The following STS variants were observed in gnomAD, a reference collection of about 807,000 sequenced individuals.
The protein encoded by STS is steryl-sulfatase.
A neutral mutation model predicts 26.8 loss-of-function variants in STS; 7 were observed. The observed-to-expected ratio is 0.26, with a 90% confidence interval of 0.15 to 0.49. STS has a LOEUF of 0.49. STS is among the 20% of genes least tolerant of loss of function. The pLI is 0.98. For synonymous variants in STS, 199 were observed against 189.4 expected (o/e 1.05, Z -0.42); for missense variants, 434 against 465.6 (o/e 0.93, Z 0.63).
At chrX:7,189,075 T>C (rs1388954501) in intron 1 of STS, among the ~76,000 whole-genome samples, 3 of 111,952 alleles carry the variant, frequency 2.7e-5, no homozygotes, top group Non-Finnish European at 5.6e-5. Flanking sequence ...GCTAGAAGCC[T>C]AACTTTAATA....
At chrX:7,321,667 C>T (rs1487298183) in intron 8 of STS, among the ~76,000 whole-genome samples, 1 of 112,264 alleles carries the variant, frequency 8.9e-6, no homozygotes. Flanking sequence ...ACATGATATT[C>T]CTGCAAGGAA....
intron 7 of STS, among the ~76,000 whole-genome samples, chrX:7,298,925 C>G (rs1191677307): frequency 6.8e-5 from 7 of 102,316 alleles, no homozygotes; most frequent in African/African-American, 2.5e-4. Flanking sequence ...GGATATCTAC[C>G]TATCTATCTA....
chrX:7,301,954 A>G (rs1188566848), intron 7 of STS, among the ~76,000 whole-genome samples: 1 of 112,124 alleles, frequency 8.9e-6, no homozygotes, highest in Non-Finnish European at 1.9e-5. Flanking sequence ...TTATCCATTC[A>G]ACTGCTGAAG....
chrX:7,300,247 T>C (rs187636271), intron 7 of STS, among the ~76,000 whole-genome samples: 23 of 112,253 alleles, frequency 2.0e-4, no homozygotes, highest in South Asian at 1.5e-3. Context: ...TATATTTGTT[T>C]CCTTCAGAAA....
chrX:7,331,283 T>C (rs1251934843), intron 9 of STS, among the ~76,000 whole-genome samples: 1 of 111,357 alleles, frequency 9.0e-6, no homozygotes, highest in East Asian at 2.8e-4. Context: ...TAACTTGACC[T>C]GAAATTTTGA....
chrX:7,258,299 G>GATT (rs1923548465), intron 5 of STS, among the ~76,000 whole-genome samples: 2 of 95,223 alleles, frequency 2.1e-5, no homozygotes, highest in Non-Finnish European at 4.4e-5. Flanking sequence ...ATAGATAGAT[G>GATT]TTATATATAA....
At chrX:7,248,485 T>C (rs749448721) in intron 2 of STS, among the ~76,000 whole-genome samples, 8 of 112,007 alleles carry the variant, frequency 7.1e-5, no homozygotes, top group Non-Finnish European at 1.9e-5. Context: ...TAGCATCCCA[T>C]TGGCTAAGAC....
intron 3 of STS, among the ~76,000 whole-genome samples, chrX:7,254,577 C>CTTTTTTTTTTTTTTT (rs34965003): frequency 1.9e-4 from 14 of 73,069 alleles, no homozygotes; most frequent in East Asian, 4.0e-4. Flanking sequence ...TTTTCTTCTT[C>CTTTTTTTTTTTTTTT]TTTTTTTTTT....
chrX:7,190,238 C>A (rs1204652017), intron 1 of STS, among the ~76,000 whole-genome samples: 1 of 109,806 alleles, frequency 9.1e-6, no homozygotes, highest in Non-Finnish European at 1.9e-5. Context: ...AGTGACAGAT[C>A]ATCAGGCATT....
chrX:7,276,062 T>C lies in STS; in HGVS notation c.918T>C (p.Ala306=), dbSNP rs1375808256. 2.5e-6 allele frequency: 3 copies of C among 1,208,751 alleles called. No homozygotes were observed. Among genetic ancestry groups the C allele is most frequent in the South Asian group, 3.5e-5 (2 of 56,805 alleles). ...GTCAACACGGAGTCTACGGGGATGC[T>C]GTTGAGGAAATGGACTGGAGTGTGG... ...GKSQHGVYGD[A]VEEMDWSVGQ... Residue 306 remains alanine, a synonymous_variant, in exon 7 of 11, where the codon GCT becomes GCC. Transcript: ENST00000674429.
At chrX:7,217,390 G>A (rs1180490819) in intron 2 of STS, among the ~76,000 whole-genome samples, 1 of 111,986 alleles carries the variant, frequency 8.9e-6, no homozygotes, top group African/African-American at 3.2e-5. Context: ...TTGAGCATTT[G>A]CATCACATAC....
At chrX:7,199,254 A>G (rs1184101787) in intron 2 of STS, among the ~76,000 whole-genome samples, 1 of 111,531 alleles carries the variant, frequency 9.0e-6, no homozygotes, top group East Asian at 2.8e-4. Flanking sequence ...TCATGTTTCA[A>G]TATAAAATGT....
rs771440377 is a variant in STS, at chrX:7,257,238, C to T, written c.138-4C>T. On this transcript the variant is annotated splice_polypyrimidine_tract_variant and splice_region_variant and intron_variant, in intron 3 of 10. Coordinates refer to ENST00000674429, the MANE Select transcript of STS (RefSeq NM_001320752.2). ...TCACAAATGCTATGATTCTTTTGTTCTAGGACTCCCAATATCGACCGGTTG... is the reference window on the plus strand; with the variant it reads ...TCACAAATGCTATGATTCTTTTGTTTTAGGACTCCCAATATCGACCGGTTG... 10 of 1,209,288 alleles carry T rather than the reference C, an allele frequency of 8.3e-6. No individual in the cohort carries two copies. The highest frequency in any genetic ancestry group is 5.3e-5 in the South Asian group (3 of 56,862).
At chrX:7,341,792 C>CTT (rs1210597139) in intron 10 of STS, among the ~76,000 whole-genome samples, 1 of 104,770 alleles carries the variant, frequency 9.5e-6, no homozygotes. Context: ...ACCATCATCT[C>CTT]TTTTTTTTTT....
At chrX:7,182,743 CG>C (rs1933705646) in intron 1 of STS, among the ~76,000 whole-genome samples, 1 of 110,824 alleles carries the variant, frequency 9.0e-6, no homozygotes, top group Non-Finnish European at 1.9e-5. Flanking sequence ...CTAGACTCTG[CG>C]GGGGGTGGTA....
intron 2 of STS, among the ~76,000 whole-genome samples, chrX:7,233,960 G>A (rs565485566): frequency 8.9e-5 from 10 of 111,928 alleles, no homozygotes; most frequent in South Asian, 7.5e-4. Context: ...TATTGACAGC[G>A]CAGATGCTGA....
Position 7,252,247 on chromosome X carries a change from G to C in STS, c.-4-949G>C, listed in dbSNP as rs1191932224. 1.5e-5 allele frequency: 11 copies of C among 746,070 alleles called. No homozygotes were observed. The Admixed American group carries it at 9.8e-4, about 66-fold the overall frequency. The allele number at this position is 746,070 out of a possible 1,213,427, so 61.5% of individuals were successfully genotyped here. The stretch of plus-strand genomic sequence containing the variant: ...CAGAGACTTGGTTCTGGAAGTATTT[G>C]AGAGTAAGAACCTGGCTCAAGGCTG... On this transcript the variant is annotated intron_variant, in intron 2 of 10. Transcript: ENST00000674429.
rs762733657 is a variant in STS, at chrX:7,220,933, T to G, written c.-5+29925T>G. Among the ~76,000 whole-genome samples the G allele has an allele frequency of 2.7e-5, 3 of 111,634 alleles. No individual in the cohort carries two copies. In the South Asian group the frequency reaches 1.1e-3, roughly 42 times the overall value. On this transcript the variant is annotated intron_variant, in intron 2 of 10. Coordinates refer to ENST00000674429, the MANE Select transcript of STS (RefSeq NM_001320752.2). ...CTCCATCCCTCTTAAATCGCAGGGATCTGCACTGAAAAATATTCCGACTCT... is the reference window on the plus strand; with the variant it reads ...CTCCATCCCTCTTAAATCGCAGGGAGCTGCACTGAAAAATATTCCGACTCT...
intron 1 of STS, among the ~76,000 whole-genome samples, chrX:7,156,197 G>A (rs775596046): frequency 3.6e-5 from 4 of 110,246 alleles, no homozygotes; most frequent in Non-Finnish European, 5.7e-5. Context: ...GTTAAGTGAG[G>A]AGTTATTGTA....
Sources: allele counts gnomAD v4.1 joint callset (sites outside exome capture counted in the v4.1 genomes callset), GRCh38; gene constraint gnomAD v4.1.1; transcripts MANE v1.5; gene names NCBI Gene and HGNC (gene_info 2026-07-23, HGNC 2026-07-21).